Variants in TRPM3 observed in about 807,000 individuals in gnomAD.
TRPM3 encodes the protein long transient receptor potential channel 3.
TRPM3 carries 77 observed loss-of-function variants against 181.2 expected under a neutral mutation model. The observed-to-expected ratio is 0.42, with a 90% CI of 0.35 to 0.51. TRPM3 has a LOEUF of 0.51. Among genes scored for constraint, TRPM3 ranks in the 20% least tolerant of loss-of-function variants. The probability of loss-of-function intolerance (pLI) is 0.01; values close to 1 mark genes in which losing one functional copy is unlikely to be tolerated. For missense variants in TRPM3, 1,759 were observed against 2,196.7 expected, an observed-to-expected ratio of 0.80 and a Z score of 3.98; for synonymous variants, 745 against 796.4, an observed-to-expected ratio of 0.94 and a Z score of 1.09.
intron 1 of TRPM3, among the ~76,000 whole-genome samples, chr9:71,075,956 C>A (rs1414333517): frequency 1.3e-5 from 2 of 152,152 alleles, no homozygotes; most frequent in African/African-American, 2.4e-5. Flanking sequence ...AGCAAAAGGA[C>A]CAAACTTTAG....
intron 8 of TRPM3, among the ~76,000 whole-genome samples, chr9:70,683,025 A>G (rs1349001778): frequency 6.6e-6 from 1 of 152,196 alleles, no homozygotes. Flanking sequence ...GTTTAAGGTC[A>G]CACAATGAGC....
intron 22 of TRPM3, among the ~76,000 whole-genome samples, chr9:70,578,771 C>G (rs1236424586): frequency 6.6e-6 from 1 of 152,178 alleles, no homozygotes. Flanking sequence ...CAGAAGCAAT[C>G]AGGAGTTGAA....
intron 1 of TRPM3, among the ~76,000 whole-genome samples, chr9:70,865,647 G>A (rs1393615307): frequency 6.6e-6 from 1 of 152,040 alleles, no homozygotes; most frequent in Non-Finnish European, 1.5e-5. Context: ...CTAAATTCTG[G>A]TTGGTCCTCA....
rs1041382148 is a variant in TRPM3, at chr9:70,805,208, TGAGA to T, written c.974-20933_974-20930del. Among the ~76,000 whole-genome samples, 8 of 67,496 alleles carry T rather than the reference TGAGA, an allele frequency of 1.2e-4. No homozygotes were observed. The South Asian group carries it at 2.1e-3, about 17-fold the overall frequency. 44.3% of individuals were successfully genotyped at this position (67,496 alleles called of 152,430 possible). A position where few individuals can be genotyped will look rare whatever the true frequency, so the allele number is the denominator to read the frequency against. On this transcript the variant is annotated intron_variant, in intron 6 of 25. Coordinates refer to ENST00000677713, the MANE Select transcript of TRPM3 (RefSeq NM_001366145.2). ...AGGCAGAGGAAGGAGGAGGGTGGGG[TGAGA>T]GAGAGACTGGGGTGGGGGAGGTGGT...
intron 1 of TRPM3, among the ~76,000 whole-genome samples, chr9:71,011,814 T>A (rs984676034): frequency 6.7e-6 from 1 of 149,764 alleles, no homozygotes; most frequent in African/African-American, 2.5e-5. Context: ...AGTATCTTGT[T>A]CCTGTTATGC....
intron 1 of TRPM3, among the ~76,000 whole-genome samples, chr9:71,050,686 A>C (rs886279937): frequency 6.6e-6 from 1 of 152,230 alleles, no homozygotes; most frequent in African/African-American, 2.4e-5. Flanking sequence ...ATACCTGTAC[A>C]TTCGAAACTC....
chr9:70,806,685 G>A (rs7019503), intron 6 of TRPM3, among the ~76,000 whole-genome samples: 41,827 of 133,670 alleles, frequency 0.31, 7,313 homozygotes, highest in African/African-American at 0.54. Context: ...GCTAGACTCC[G>A]TCTCAAAAAT....
intron 22 of TRPM3, among the ~76,000 whole-genome samples, chr9:70,589,306 C>T (rs929509605): frequency 6.6e-6 from 1 of 152,160 alleles, no homozygotes; most frequent in African/African-American, 2.4e-5. Flanking sequence ...CATAGTACAA[C>T]ATCAATAAAT....
Position 70,696,628 on chromosome 9 carries a change from G to A in TRPM3, c.1273-15050C>T, listed in dbSNP as rs141162463. 6.8e-4 allele frequency among the ~76,000 whole-genome samples: 104 copies of A among 152,322 alleles called. No individual in the cohort carries two copies. The East Asian group carries it at 0.016, about 23-fold the overall frequency. ...GCTCTGTGGATGTGTGCGCAAACCC[G>A]TGTTTGAAGGACACGCAGGGCCAAT... On this transcript the variant is annotated intron_variant, in intron 8 of 25. Coordinates refer to ENST00000677713, the MANE Select transcript of TRPM3 (RefSeq NM_001366145.2).
intron 1 of TRPM3, among the ~76,000 whole-genome samples, chr9:71,006,712 A>T (rs2097677906): frequency 6.6e-6 from 1 of 152,030 alleles, no homozygotes; most frequent in Non-Finnish European, 1.5e-5. Flanking sequence ...TCTACTAAAA[A>T]TACAAAAAAT....
At chr9:71,180,406 C>T (rs1044636231) in intron 1 of TRPM3, among the ~76,000 whole-genome samples, 2 of 152,078 alleles carry the variant, frequency 1.3e-5, no homozygotes, top group African/African-American at 4.8e-5. Flanking sequence ...ATTTCAAATT[C>T]AATTCACTTG....
intron 8 of TRPM3, among the ~76,000 whole-genome samples, chr9:70,755,833 T>C (rs544666599): frequency 6.6e-6 from 1 of 152,142 alleles, no homozygotes; most frequent in African/African-American, 2.4e-5. Context: ...GCGCTAAATA[T>C]GGAAAGGAAA....
At chr9:70,983,763 C>A (rs951859728) in intron 1 of TRPM3, among the ~76,000 whole-genome samples, 3 of 150,778 alleles carry the variant, frequency 2.0e-5, no homozygotes, top group African/African-American at 7.5e-5. Flanking sequence ...CAAAGTTGAT[C>A]CTATCTTGAA....
intron 1 of TRPM3, among the ~76,000 whole-genome samples, chr9:71,045,631 A>T (rs1410921749): frequency 2.0e-5 from 3 of 152,230 alleles, no homozygotes; most frequent in Non-Finnish European, 4.4e-5. Context: ...GGCATAAAAA[A>T]TGCAGACAAG....
chr9:70,639,724 A>T (rs2057763763), intron 10 of TRPM3, among the ~76,000 whole-genome samples: 1 of 148,140 alleles, frequency 6.8e-6, no homozygotes, highest in Non-Finnish European at 1.5e-5. Flanking sequence ...ACAAAACAGA[A>T]CAACCAGCCT....
chr9:71,139,213 G>A (rs2074952936), intron 1 of TRPM3, among the ~76,000 whole-genome samples: 1 of 152,086 alleles, frequency 6.6e-6, no homozygotes, highest in African/African-American at 2.4e-5. Context: ...AAATTGATGG[G>A]AACAGCATAT....
intron 1 of TRPM3, among the ~76,000 whole-genome samples, chr9:71,279,784 G>A (rs553327600): frequency 2.0e-5 from 3 of 152,220 alleles, no homozygotes; most frequent in Non-Finnish European, 2.9e-5. Context: ...CAGCATTGAC[G>A]GAAATTATCC....
chr9:71,046,464 TA>T (rs1487575707), intron 1 of TRPM3, among the ~76,000 whole-genome samples: 2 of 152,160 alleles, frequency 1.3e-5, no homozygotes, highest in African/African-American at 2.4e-5. Context: ...ATGGAAGAAA[TA>T]AATTAGCAGG....
At chr9:71,324,559 G>T (rs2132487805) in intron 1 of TRPM3, among the ~76,000 whole-genome samples, 1 of 151,666 alleles carries the variant, frequency 6.6e-6, no homozygotes, top group South Asian at 2.1e-4. Context: ...ACAGTATGGA[G>T]ATTTCTCAAA....
Sources: gnomAD v4.1 joint callset for allele counts (sites outside exome capture counted in the v4.1 genomes callset) on GRCh38, gnomAD v4.1.1 for gene constraint, MANE v1.5 for transcripts, NCBI Gene and HGNC (gene_info 2026-07-23, HGNC 2026-07-21) for gene names.